The following DIP2C variants were observed in gnomAD, a reference collection of about 807,000 sequenced individuals.
The protein encoded by DIP2C is DIP2 acetate--CoA ligase C (putative).
In DIP2C, 33 loss-of-function variants were observed where a neutral mutation model predicts 192.4. The ratio of observed to expected loss-of-function variants is 0.17; its 90% confidence interval spans 0.13 to 0.23. DIP2C has a LOEUF of 0.23. DIP2C is among the 10% of genes least tolerant of loss of function. The pLI is 1.00. For synonymous variants in DIP2C, 979 were observed against 864.1 expected (o/e 1.13, Z -2.33); for missense variants, 1,537 against 2,110.1 (o/e 0.73, Z 5.32).
rs182229015 is a variant in DIP2C at position 316,459 on chromosome 10, A to C, written c.3925-6367T>G. ...TGATTCTCTCTTCAGTCTCACCCCC[A>C]GCTTCCTCTATTCCACTGCCACACT... On this transcript the variant is annotated intron_variant, in intron 31 of 36. Transcript: ENST00000280886. Among the ~76,000 whole-genome samples, 403 of 152,274 alleles carry C rather than the reference A, an allele frequency of 2.6e-3. 1 individual carries two copies. The highest frequency in any genetic ancestry group is 0.017 in the Middle Eastern group (5 of 294).
chr10:674,826 A>AGAGAGAGAGC (rs1201758510), intron 1 of DIP2C, among the ~76,000 whole-genome samples: 1 of 144,658 alleles, frequency 6.9e-6, no homozygotes, highest in African/African-American at 2.7e-5. Flanking sequence ...AGAGAGAGAG[A>AGAGAGAGAGC]GAGACCAACA....
intron 32 of DIP2C, among the ~76,000 whole-genome samples, chr10:291,246 G>T (rs1371307360): frequency 5.9e-5 from 9 of 152,356 alleles, no homozygotes; most frequent in Middle Eastern, 3.4e-3. Flanking sequence ...AAGCAAGACG[G>T]AATCTCAGCT....
chr10:369,555 C>A lies in DIP2C; in HGVS notation c.2070G>T (p.Val690=). 1 of 1,597,350 alleles carries A rather than the reference C, an allele frequency of 6.3e-7. No individual in the cohort carries two copies. Among genetic ancestry groups the A allele is most frequent in the Non-Finnish European group, 8.5e-7 (1 of 1,169,972 alleles). ...MHGLTYGVIR[V]DSEEKLSVLT... ...GCACGGACAGCTTCTCTTCCGAGTC[C>A]ACACGAATGACCCCATAGGTCAGTC... The change falls in exon 18 of 37, where the codon GTG becomes GTT. Residue 690 remains valine (V), a synonymous_variant. Transcript: ENST00000280886.
chr10:405,814 T>C (rs1397203009), intron 9 of DIP2C, among the ~76,000 whole-genome samples: 1 of 152,080 alleles, frequency 6.6e-6, no homozygotes, highest in African/African-American at 2.4e-5. Flanking sequence ...GATTCCCAGC[T>C]CCCCTCCAGG....
chr10:329,350 C>G, intron 30 of DIP2C, 83 bp downstream of exon 30: 1 of 1,423,526 alleles, frequency 7.0e-7, no homozygotes, highest in Non-Finnish European at 9.4e-7. Context: ...ACTGTTTTAA[C>G]TTCACCCCAT....
intron 1 of DIP2C, among the ~76,000 whole-genome samples, chr10:501,215 T>C (rs1054763894): frequency 6.6e-6 from 1 of 152,210 alleles, no homozygotes; most frequent in Non-Finnish European, 1.5e-5. Flanking sequence ...ATTTTGATGG[T>C]TTCACTAGCT....
chr10:634,016 T>G (rs963378093), intron 1 of DIP2C, among the ~76,000 whole-genome samples: 2 of 152,206 alleles, frequency 1.3e-5, no homozygotes, highest in African/African-American at 4.8e-5. Context: ...GTTGTCCCCC[T>G]CCAGCAGGCT....
chr10:558,598 G>A (rs533014011), intron 1 of DIP2C, among the ~76,000 whole-genome samples: 32 of 152,192 alleles, frequency 2.1e-4, no homozygotes, highest in Non-Finnish European at 2.4e-4. Flanking sequence ...GCCCACCATC[G>A]CGTCTCGGGG....
intron 1 of DIP2C, among the ~76,000 whole-genome samples, chr10:514,934 T>C (rs905281230): frequency 2.0e-5 from 3 of 152,186 alleles, no homozygotes; most frequent in African/African-American, 4.8e-5. Context: ...ACTTCAGTAG[T>C]AGCAAAAAAC....
intron 2 of DIP2C, among the ~76,000 whole-genome samples, chr10:482,731 G>C (rs1453955445): frequency 6.6e-6 from 1 of 152,210 alleles, no homozygotes; most frequent in Non-Finnish European, 1.5e-5. Flanking sequence ...TCCACGGCCT[G>C]TGTCATACAA....
chr10:374,585 T>A (rs1961352135), intron 17 of DIP2C, among the ~76,000 whole-genome samples: 1 of 152,250 alleles, frequency 6.6e-6, no homozygotes, highest in South Asian at 2.1e-4. Flanking sequence ...AATCTGTGCA[T>A]CTGACCACAG....
chr10:595,792 G>A (rs561842772), intron 1 of DIP2C, among the ~76,000 whole-genome samples: 4 of 152,188 alleles, frequency 2.6e-5, no homozygotes, highest in Non-Finnish European at 2.9e-5. Flanking sequence ...AAAAATTAAC[G>A]TAAATGATCC....
At chr10:532,023 T>C (rs979407833) in intron 1 of DIP2C, among the ~76,000 whole-genome samples, 5 of 152,206 alleles carry the variant, frequency 3.3e-5, no homozygotes, top group Non-Finnish European at 7.3e-5. Context: ...AAGTCTAGAA[T>C]GCAGATGGCT....
intron 31 of DIP2C, chr10:324,800 G>A (rs1006765181): frequency 4.8e-6 from 2 of 418,542 alleles, no homozygotes; most frequent in Non-Finnish European, 1.0e-5. Context: ...CTGGTGCCGA[G>A]GTAAGGACGG....
intron 1 of DIP2C, among the ~76,000 whole-genome samples, chr10:555,171 TTA>T (rs1311904980): frequency 6.8e-6 from 1 of 147,950 alleles, no homozygotes; most frequent in African/African-American, 2.6e-5. Context: ...AAAATTTAGT[TTA>T]TGTTTTCTTC....
intron 1 of DIP2C, among the ~76,000 whole-genome samples, chr10:681,748 G>C (rs1436827130): frequency 1.3e-5 from 2 of 152,260 alleles, no homozygotes. Flanking sequence ...GAACTTCACT[G>C]CAGTGATTGT....
intron 1 of DIP2C, among the ~76,000 whole-genome samples, chr10:598,085 A>T (rs1306999704): frequency 1.3e-5 from 2 of 152,236 alleles, no homozygotes; most frequent in East Asian, 3.8e-4. Flanking sequence ...ACAAGTCTGC[A>T]GGACACGCGT....
At chr10:499,430 G>A (rs1255833802) in intron 1 of DIP2C, among the ~76,000 whole-genome samples, 1 of 152,208 alleles carries the variant, frequency 6.6e-6, no homozygotes, top group African/African-American at 2.4e-5. Context: ...TTGACTCACA[G>A]TTACACATGG....
At chr10:671,173 G>C (rs1210663561) in intron 1 of DIP2C, among the ~76,000 whole-genome samples, 1 of 152,240 alleles carries the variant, frequency 6.6e-6, no homozygotes, top group Admixed American at 6.5e-5. Context: ...CCACACAGGG[G>C]ACACATGCCA....
Sources: allele counts gnomAD v4.1 joint callset (sites outside exome capture counted in the v4.1 genomes callset), GRCh38; gene constraint gnomAD v4.1.1; transcripts MANE v1.5; gene names NCBI Gene and HGNC (gene_info 2026-07-23, HGNC 2026-07-21).